PCDH9: variants seen among roughly 807,000 people sequenced by gnomAD.
The protein encoded by PCDH9 is protocadherin 9, also known as protocadherin-9.
In PCDH9, 24 loss-of-function variants were observed where a neutral mutation model predicts 70.6. That is an observed-to-expected ratio of 0.34 (90% CI 0.25 to 0.48). The LOEUF (loss-of-function observed/expected upper bound fraction) is 0.48. Ranked by LOEUF, PCDH9 falls within the 20% of genes least tolerant of loss-of-function variation. PCDH9 has a pLI of 0.99. For synonymous variants in PCDH9, 562 were observed against 558.5 expected (o/e 1.01, Z -0.09); for missense variants, 1,281 against 1,503.6 (o/e 0.85, Z 2.45).
intron 2 of PCDH9, among the ~76,000 whole-genome samples, chr13:67,111,689 G>T (rs1448426399): frequency 1.3e-5 from 2 of 152,122 alleles, no homozygotes; most frequent in Non-Finnish European, 2.9e-5. Flanking sequence ...GAGTGGAATA[G>T]TTACTGGAAA....
intron 4 of PCDH9, among the ~76,000 whole-genome samples, chr13:66,610,035 G>T (rs1317298103): frequency 6.8e-6 from 1 of 146,518 alleles, no homozygotes; most frequent in Admixed American, 7.0e-5. Context: ...TCGGCTCACT[G>T]CAAGCTCCGC....
intron 4 of PCDH9, among the ~76,000 whole-genome samples, chr13:66,465,942 T>TTGAC (rs1958506413): frequency 6.6e-6 from 1 of 151,968 alleles, no homozygotes; most frequent in African/African-American, 2.4e-5. Flanking sequence ...TAAAGAAAGG[T>TTGAC]TGACTTAAGT....
chr13:67,125,389 A>T lies in PCDH9; in HGVS notation c.3036+100016T>A, dbSNP rs143949341. Reference sequence around the variant, plus strand: ...TCCACTCTGTGTATGGGGGTGTAGGACATAGCTTAAATCAAGAACTCTGTG... The same window carrying T: ...TCCACTCTGTGTATGGGGGTGTAGGTCATAGCTTAAATCAAGAACTCTGTG... On this transcript the variant is annotated intron_variant, in intron 2 of 4. Transcript: ENST00000377865. Among the ~76,000 whole-genome samples the T allele has an allele frequency of 1.1e-4, 17 of 152,312 alleles. No homozygotes were observed. In the East Asian group the frequency reaches 3.1e-3, roughly 28 times the overall value.
intron 2 of PCDH9, among the ~76,000 whole-genome samples, chr13:67,179,757 A>T (rs1367328268): frequency 6.6e-6 from 1 of 152,068 alleles, no homozygotes; most frequent in South Asian, 2.1e-4. Flanking sequence ...GAAATTATTT[A>T]AAAAATCACC....
intron 4 of PCDH9, among the ~76,000 whole-genome samples, chr13:66,367,488 A>G (rs1362936151): frequency 6.6e-6 from 1 of 152,160 alleles, no homozygotes; most frequent in African/African-American, 2.4e-5. Context: ...CGTAAAACCA[A>G]GAGCTATGCT....
At chr13:66,520,674 A>T (rs768268055) in intron 4 of PCDH9, among the ~76,000 whole-genome samples, 1 of 152,178 alleles carries the variant, frequency 6.6e-6, no homozygotes, top group Admixed American at 6.6e-5. Flanking sequence ...TCTGGACTTT[A>T]TTTATGCCTC....
chr13:66,817,000 A>T (rs190271094), intron 3 of PCDH9, among the ~76,000 whole-genome samples: 5,644 of 95,792 alleles, frequency 0.059, 358 homozygotes, highest in African/African-American at 0.18. Context: ...GAAAATATTT[A>T]AAAAAAAAAA....
chr13:66,827,832 A>T (rs1328466867), intron 3 of PCDH9, among the ~76,000 whole-genome samples: 2 of 152,140 alleles, frequency 1.3e-5, no homozygotes, highest in African/African-American at 2.4e-5. Context: ...GACAAGGAGG[A>T]TGATAGTCTT....
intron 4 of PCDH9, among the ~76,000 whole-genome samples, chr13:66,362,533 A>G (rs1956488968): frequency 6.6e-6 from 1 of 152,182 alleles, no homozygotes; most frequent in Non-Finnish European, 1.5e-5. Flanking sequence ...ATTCATTGTG[A>G]AAAGCCTCTA....
At chr13:67,015,441 C>T (rs941023262) in intron 2 of PCDH9, among the ~76,000 whole-genome samples, 1 of 152,120 alleles carries the variant, frequency 6.6e-6, no homozygotes, top group African/African-American at 2.4e-5. Context: ...ATCCTCTCTA[C>T]TTCTGGTATT....
intron 4 of PCDH9, among the ~76,000 whole-genome samples, chr13:66,413,205 A>C (rs958138661): frequency 6.6e-6 from 1 of 152,198 alleles, no homozygotes; most frequent in Admixed American, 6.5e-5. Context: ...TACAGGATAC[A>C]GTTTCTTGAT....
At chr13:67,129,269 T>C (rs1484033127) in intron 2 of PCDH9, among the ~76,000 whole-genome samples, 1 of 152,138 alleles carries the variant, frequency 6.6e-6, no homozygotes. Context: ...GCCAACTCTT[T>C]GTGATGAACA....
intron 3 of PCDH9, among the ~76,000 whole-genome samples, chr13:66,736,643 C>T (rs973634332): frequency 6.6e-6 from 1 of 152,204 alleles, no homozygotes; most frequent in African/African-American, 2.4e-5. Flanking sequence ...ATTGACAGCA[C>T]AATTGCTTGT....
chr13:66,518,095 T>C (rs1213619917), intron 4 of PCDH9, among the ~76,000 whole-genome samples: 1 of 152,112 alleles, frequency 6.6e-6, no homozygotes, highest in African/African-American at 2.4e-5. Context: ...AACATCTGTT[T>C]GGCTTCTGGG....
In PCDH9 at chr13:66,500,653, A is replaced by T. The variant is rs117543871; in HGVS notation, c.3340+130557T>A. Among the ~76,000 whole-genome samples, 1,308 of 152,226 alleles carry T rather than the reference A, an allele frequency of 8.6e-3. 11 individuals are homozygous for T. Among genetic ancestry groups the T allele is most frequent in the Non-Finnish European group, 0.014 (924 of 67,974 alleles). ...ATTAGTTTTTTATATTATGAAAATT[A>T]TAACTTTAACCTATTTTATTATCAG... is the stretch of plus-strand genomic sequence containing the variant. On this transcript the variant is annotated intron_variant, in intron 4 of 4. Coordinates refer to ENST00000377865, the MANE Select transcript of PCDH9 (RefSeq NM_203487.3).
chr13:66,705,035 T>C (rs535581321), intron 3 of PCDH9, among the ~76,000 whole-genome samples: 1 of 152,234 alleles, frequency 6.6e-6, no homozygotes, highest in South Asian at 2.1e-4. Flanking sequence ...TTCCATAAAA[T>C]TTAGGGCTGT....
At chr13:66,888,805 C>A (rs1594211494) in intron 3 of PCDH9, among the ~76,000 whole-genome samples, 1 of 152,170 alleles carries the variant, frequency 6.6e-6, no homozygotes, top group Non-Finnish European at 1.5e-5. Flanking sequence ...AAGAAATGCA[C>A]TGCACAGAGC....
At chr13:67,129,620 AATATACAT>A (rs2138325714) in intron 2 of PCDH9, among the ~76,000 whole-genome samples, 1 of 142,472 alleles carries the variant, frequency 7.0e-6, no homozygotes, top group African/African-American at 2.5e-5. Flanking sequence ...GAATCATATA[AATATACAT>A]ATATATATAT....
intron 4 of PCDH9, among the ~76,000 whole-genome samples, chr13:66,470,987 C>T (rs1484180667): frequency 6.6e-6 from 1 of 150,776 alleles, no homozygotes; most frequent in Non-Finnish European, 1.5e-5. Flanking sequence ...CAATAAAAGG[C>T]AGCCTTTATT....
Sources: gnomAD v4.1 joint callset for allele counts (sites outside exome capture counted in the v4.1 genomes callset) on GRCh38, gnomAD v4.1.1 for gene constraint, MANE v1.5 for transcripts, NCBI Gene and HGNC (gene_info 2026-07-23, HGNC 2026-07-21) for gene names.